Variants in SMYD1 observed in about 807,000 individuals in gnomAD.
The protein encoded by SMYD1 is SET and MYND domain containing 1.
A neutral mutation model predicts 54.0 loss-of-function variants in SMYD1; 49 were observed. That is an observed-to-expected ratio of 0.91 (90% CI 0.72 to 1.15). The LOEUF is 1.15. Ranked by LOEUF, SMYD1 falls within the 50% of genes most tolerant of loss-of-function variation. The pLI, the probability that SMYD1 is intolerant of heterozygous loss-of-function variation, is 0.00. For synonymous variants in SMYD1, 269 were observed against 234.2 expected (o/e 1.15, Z -1.36); for missense variants, 653 against 639.6 (o/e 1.02, Z -0.23).
At chr2:88,105,669 G>T (rs910612350) in intron 7 of SMYD1, among the ~76,000 whole-genome samples, 10 of 152,056 alleles carry the variant, frequency 6.6e-5, no homozygotes, top group Non-Finnish European at 1.0e-4. Context: ...GGTATGGTGG[G>T]GCTCATGCCT....
chr2:88,077,911 G>T (rs931866630), intron 1 of SMYD1, among the ~76,000 whole-genome samples: 8 of 152,064 alleles, frequency 5.3e-5, no homozygotes, highest in African/African-American at 1.9e-4. Flanking sequence ...TTTTAGTAGA[G>T]ACGGGGTTTC....
chr2:88,090,886 G>A, intron 3 of SMYD1, 126 bp from the exon 4 acceptor site: 1 of 1,066,968 alleles, frequency 9.4e-7, no homozygotes, highest in Non-Finnish European at 1.4e-6. Context: ...ATTGTTCTGT[G>A]TCCAGACTCC....
In SMYD1 at chr2:88,110,550, G is replaced by T. The variant is rs757829432; in HGVS notation, c.*38G>T. ...GGAGGAGGGGCGATGTGGCTGGGGAGCTAGGGAGAGACTCTGGAGGTGGTG... is the reference window on the plus strand; with the variant it reads ...GGAGGAGGGGCGATGTGGCTGGGGATCTAGGGAGAGACTCTGGAGGTGGTG... On this transcript the variant is annotated 3_prime_UTR_variant, in exon 10 of 10. Transcript: ENST00000419482. 6.6e-7 allele frequency: 1 copy of T among 1,515,122 alleles called. No individual in the cohort carries two copies. The highest frequency in any genetic ancestry group is 1.3e-5 in the South Asian group (1 of 78,392). The allele number at this position is 1,515,122 out of a possible 1,614,324, so 93.9% of individuals were successfully genotyped here.
chr2:88,110,030 C>T (rs1674973250), intron 9 of SMYD1, among the ~76,000 whole-genome samples: 1 of 152,166 alleles, frequency 6.6e-6, no homozygotes. Context: ...CCTGAGGTCC[C>T]ACACTAGTAT....
rs1573104507 is a variant in SMYD1, at chr2:88,080,547, C to T, written c.138-3769C>T. On this transcript the variant is annotated intron_variant, in intron 1 of 9. Transcript: ENST00000419482. ...GCATGGAGTTACAAGTGGCAGGTTA[C>T]AAGGGACAGACAGCATGATTGTGCT... 2.6e-5 allele frequency among the ~76,000 whole-genome samples: 4 copies of T among 152,306 alleles called. No individual in the cohort carries two copies. In the South Asian group the frequency reaches 8.3e-4, roughly 32 times the overall value.
chr2:88,100,191 TG>T lies in SMYD1; in HGVS notation c.889-2865del, dbSNP rs138116645. On this transcript the variant is annotated intron_variant, in intron 6 of 9. Transcript: ENST00000419482. ...CTTTTCTCTGAAGAGTGGAGCCAAGTGGAACAGCCCCGTTTCCTTTCTCAGA... is the reference window on the plus strand; with the variant it reads ...CTTTTCTCTGAAGAGTGGAGCCAAGTGAACAGCCCCGTTTCCTTTCTCAGA... 4.6e-3 allele frequency among the ~76,000 whole-genome samples: 699 copies of T among 152,312 alleles called. 7 individuals carry two copies. The highest frequency in any genetic ancestry group is 0.016 in the African/African-American group (674 of 41,558).
chr2:88,110,205 G>GTGTGTGTA (rs1674982474), intron 9 of SMYD1, 149 bp from the exon 10 acceptor site: 1 of 709,556 alleles, frequency 1.4e-6, no homozygotes, highest in Non-Finnish European at 2.3e-6. Context: ...GAATGAGTGT[G>GTGTGTGTA]TGTGTGTGTG....
chr2:88,071,742 T>A (rs1673949856), intron 1 of SMYD1, among the ~76,000 whole-genome samples: 1 of 152,166 alleles, frequency 6.6e-6, no homozygotes, highest in Non-Finnish European at 1.5e-5. Flanking sequence ...GGGTTGCCTT[T>A]TTTGGACACA....
intron 1 of SMYD1, among the ~76,000 whole-genome samples, chr2:88,081,710 A>G (rs1038054256): frequency 3.9e-5 from 6 of 152,286 alleles, no homozygotes; most frequent in Middle Eastern, 6.8e-3. Flanking sequence ...TGCTGGGATT[A>G]CAGGTGTGAG....
chr2:88,112,583 G>A lies in SMYD1; in HGVS notation c.*2071G>A, dbSNP rs1675053364. On this transcript the variant is annotated 3_prime_UTR_variant, in exon 10 of 10. Transcript: ENST00000419482. ...AATCTTCATGACTGAGTTTTTTTTA[G>A]TTGTATAGTTATCATCTGCCTTTCT... The A allele has an allele frequency of 5.9e-6, 1 of 168,792 alleles. No individual in the cohort carries two copies. The highest frequency in any genetic ancestry group is 2.4e-5 in the African/African-American group (1 of 41,886). 10.5% of individuals were successfully genotyped at this position (168,792 alleles called of 1,614,324 possible).
intron 7 of SMYD1, among the ~76,000 whole-genome samples, chr2:88,105,426 T>C (rs1177466420): frequency 6.6e-6 from 1 of 152,166 alleles, no homozygotes. Flanking sequence ...GAATTGGTTC[T>C]AGGACTGCCA....
At chr2:88,069,915 G>T (rs1444284337) in intron 1 of SMYD1, among the ~76,000 whole-genome samples, 1 of 152,098 alleles carries the variant, frequency 6.6e-6, no homozygotes, top group African/African-American at 2.4e-5. Flanking sequence ...ATTACCTGCT[G>T]ATGACTGGCC....
intron 1 of SMYD1, among the ~76,000 whole-genome samples, chr2:88,074,743 T>C (rs1232311860): frequency 6.6e-6 from 1 of 152,208 alleles, no homozygotes; most frequent in African/African-American, 2.4e-5. Flanking sequence ...ATTATGTATA[T>C]ATAGTGTGTA....
In SMYD1 at chr2:88,111,713, C is replaced by T. The variant is rs1675027168; in HGVS notation, c.*1201C>T. On this transcript the variant is annotated 3_prime_UTR_variant, in exon 10 of 10. Transcript: ENST00000419482. The stretch of plus-strand genomic sequence containing the variant: ...TCTCCTGGAAGGCTGTTGTGATTTC[C>T]ATCTAAGAAATGAGGGTCTTGAGAA... The T allele has an allele frequency of 9.8e-6, 2 of 203,532 alleles. No homozygotes were observed. The highest frequency in any genetic ancestry group is 2.0e-5 in the Non-Finnish European group (2 of 99,014). The allele number at this position is 203,532 out of a possible 1,614,324, so 12.6% of individuals were successfully genotyped here.
At chr2:88,094,970 A>G (rs1208630255) in intron 5 of SMYD1, among the ~76,000 whole-genome samples, 1 of 152,204 alleles carries the variant, frequency 6.6e-6, no homozygotes, top group Non-Finnish European at 1.5e-5. Flanking sequence ...ATTCCCATGC[A>G]TTGAAGACCC....
At chr2:88,082,595 T>G (rs974005510) in intron 1 of SMYD1, 2 of 154,406 alleles carry the variant, frequency 1.3e-5, no homozygotes, top group African/African-American at 4.8e-5. Context: ...CCCCTGGCAC[T>G]GGCCAGCACA....
intron 1 of SMYD1, among the ~76,000 whole-genome samples, chr2:88,077,994 G>C (rs1674108175): frequency 6.6e-6 from 1 of 152,136 alleles, no homozygotes; most frequent in Non-Finnish European, 1.5e-5. Context: ...CAAAGTGCTG[G>C]GATTACAGGC....
In SMYD1 at chr2:88,111,909, TA is replaced by T. The variant is rs1675032488; in HGVS notation, c.*1400del. The T allele has an allele frequency of 4.2e-5, 26 of 617,660 alleles. No homozygotes were observed. The South Asian group carries it at 4.9e-4, about 12-fold the overall frequency. The allele number at this position is 617,660 out of a possible 1,614,324, so 38.3% of individuals were successfully genotyped here. On this transcript the variant is annotated 3_prime_UTR_variant, in exon 10 of 10. Coordinates refer to ENST00000419482, the MANE Select transcript of SMYD1 (RefSeq NM_198274.4). ...CAGAGCTGTACCCCACATCTTGAAGTAAATTGATCCCACCAGGTCCCACGTT... is the reference window on the plus strand; with the variant it reads ...CAGAGCTGTACCCCACATCTTGAAGTAATTGATCCCACCAGGTCCCACGTT...
At chr2:88,096,450 T>C (rs1012357819) in intron 5 of SMYD1, 145 bp from the exon 6 acceptor site, 135 of 722,824 alleles carry the variant, frequency 1.9e-4, no homozygotes, top group Non-Finnish European at 2.4e-4. Flanking sequence ...AGGTCACATT[T>C]CTCCTTTTGT....
Sources: gnomAD v4.1 joint callset for allele counts (sites outside exome capture counted in the v4.1 genomes callset) on GRCh38, gnomAD v4.1.1 for gene constraint, MANE v1.5 for transcripts, NCBI Gene and HGNC (gene_info 2026-07-23, HGNC 2026-07-21) for gene names.